The following CFAP52 variants were observed in gnomAD, a reference collection of about 807,000 sequenced individuals.
CFAP52 encodes cilia- and flagella-associated protein 52.
In CFAP52, 57 loss-of-function variants were observed where a neutral mutation model predicts 70.5. The ratio of observed to expected loss-of-function variants is 0.81; its 90% CI spans 0.65 to 1.01. CFAP52 has a LOEUF of 1.01. CFAP52 is among the 50% of genes least tolerant of loss of function. The probability of loss-of-function intolerance (pLI) is 0.00; values close to 1 mark genes in which losing one functional copy is unlikely to be tolerated. For missense variants in CFAP52, 785 were observed against 788.5 expected, an observed-to-expected ratio of 1.00 and a Z score of 0.05; for synonymous variants, 267 against 292.5, an observed-to-expected ratio of 0.91 and a Z score of 0.89.
chr17:9,641,424 T>C (rs1911052189), intron 12 of CFAP52, among the ~76,000 whole-genome samples: 1 of 152,198 alleles, frequency 6.6e-6, no homozygotes, highest in South Asian at 2.1e-4. Context: ...GGCTGTTCTT[T>C]CTTTTACAGC....
chr17:9,580,509 G>A (rs1017227673), intron 1 of CFAP52, among the ~76,000 whole-genome samples: 21 of 152,050 alleles, frequency 1.4e-4, no homozygotes, highest in African/African-American at 4.6e-4. Flanking sequence ...GCAACATGGT[G>A]AAACCCTATC....
At chr17:9,631,413 A>C (rs1358220300) in intron 9 of CFAP52, among the ~76,000 whole-genome samples, 2 of 152,162 alleles carry the variant, frequency 1.3e-5, no homozygotes, top group Non-Finnish European at 2.9e-5. Flanking sequence ...CTTTGCTGAA[A>C]TGGGATCTAC....
At chr17:9,598,415 C>A in intron 5 of CFAP52, 82 bp downstream of exon 5, 2 of 1,180,242 alleles carry the variant, frequency 1.7e-6, no homozygotes, top group South Asian at 2.6e-5. Context: ...TGTGTGTGTA[C>A]ATGGGGCTGG....
At chr17:9,627,930 T>C (rs1289706590) in intron 8 of CFAP52, among the ~76,000 whole-genome samples, 4 of 152,182 alleles carry the variant, frequency 2.6e-5, no homozygotes. Context: ...GGTCTCACTA[T>C]GTTGCCCAGG....
chr17:9,586,343 C>A (rs1391624473), intron 2 of CFAP52, among the ~76,000 whole-genome samples: 1 of 151,926 alleles, frequency 6.6e-6, no homozygotes, highest in Non-Finnish European at 1.5e-5. Flanking sequence ...ACGGTCGGAT[C>A]CCCTGAGGTC....
At position 9,632,967 on chromosome 17, in the gene CFAP52, C is replaced by T. The variant is rs780321614; in HGVS notation, c.1254C>T (p.Ile418=). 1.9e-5 allele frequency: 31 copies of T among 1,614,084 alleles called. No homozygotes were observed. Among genetic ancestry groups the T allele is most frequent in the Middle Eastern group, 1.6e-4 (1 of 6,084 alleles). ...LMYVINNAHR[I]GVTAIATTSD... ...ATGTCATTAACAATGCTCACAGGAT[C>T]GGCGTCACCGCCATCGCCACCACCA... The change falls in exon 10 of 14, where the codon ATC becomes ATT. Residue 418 remains isoleucine (I), a synonymous_variant. Transcript: ENST00000352665.
chr17:9,628,981 C>CAGCT (rs1425493562), intron 9 of CFAP52, among the ~76,000 whole-genome samples, 161 bp downstream of exon 9: 1 of 152,282 alleles, frequency 6.6e-6, no homozygotes, highest in East Asian at 1.9e-4. Flanking sequence ...GAGTTTCCTT[C>CAGCT]CAGCTGGGAG....
chr17:9,608,965 G>A (rs1370102196), intron 7 of CFAP52, among the ~76,000 whole-genome samples: 1 of 152,192 alleles, frequency 6.6e-6, no homozygotes, highest in African/African-American at 2.4e-5. Flanking sequence ...AATATATTAT[G>A]AATGTTGTAG....
chr17:9,581,099 G>A (rs1280505669), intron 1 of CFAP52, among the ~76,000 whole-genome samples: 1 of 152,174 alleles, frequency 6.6e-6, no homozygotes. Context: ...GGTGGATCAC[G>A]AGGTCAGGAG....
At chr17:9,606,620 G>A (rs916022596) in intron 6 of CFAP52, among the ~76,000 whole-genome samples, 2 of 152,322 alleles carry the variant, frequency 1.3e-5, no homozygotes, top group African/African-American at 2.4e-5. Context: ...AACCCAGGCC[G>A]ACTGGCTGCA....
chr17:9,589,709 G>A (rs1327580513), intron 3 of CFAP52, among the ~76,000 whole-genome samples: 2 of 146,204 alleles, frequency 1.4e-5, no homozygotes, highest in Admixed American at 1.4e-4. Context: ...CTCCAGCCTG[G>A]GGACAAGAGC....
Position 9,602,234 on chromosome 17 carries a change from G to A in CFAP52, c.753+2051G>A, listed in dbSNP as rs542597023. Among the ~76,000 whole-genome samples the A allele has an allele frequency of 2.0e-3, 299 of 152,128 alleles. 2 individuals carry two copies. Among genetic ancestry groups the A allele is most frequent in the African/African-American group, 6.6e-3 (274 of 41,476 alleles). ...GGTGGTTTGCTGCACCCATTAACCC[G>A]TCGTCTACATTAAGTATTTCTCTTA... On this transcript the variant is annotated intron_variant, in intron 6 of 13. Coordinates refer to ENST00000352665, the MANE Select transcript of CFAP52 (RefSeq NM_145054.5).
intron 9 of CFAP52, among the ~76,000 whole-genome samples, chr17:9,630,866 G>A (rs1336501185): frequency 6.7e-6 from 1 of 149,738 alleles, no homozygotes; most frequent in Non-Finnish European, 1.5e-5. Flanking sequence ...GGAGCCTGTA[G>A]TCCCAGCTAC....
chr17:9,576,851 A>G (rs1223253418), intron 1 of CFAP52, 86 bp downstream of exon 1: 2 of 1,407,100 alleles, frequency 1.4e-6, no homozygotes, highest in Non-Finnish European at 1.9e-6. Context: ...CACCGGGGAC[A>G]CCTGAAAGGC....
intron 10 of CFAP52, among the ~76,000 whole-genome samples, chr17:9,633,665 G>A (rs796762666): frequency 6.0e-4 from 90 of 149,240 alleles, no homozygotes; most frequent in African/African-American, 2.1e-3. Flanking sequence ...TGTACGAATT[G>A]TCATCTTATC....
In CFAP52 at chr17:9,628,569, G is replaced by A. The variant is rs565658366; in HGVS notation, c.1026-103G>A. 58 of 1,469,346 alleles carry A rather than the reference G, an allele frequency of 3.9e-5. No individual in the cohort carries two copies. In the East Asian group the frequency reaches 4.2e-4, roughly 11 times the overall value. The allele number at this position is 1,469,346 out of a possible 1,614,324, so 91.0% of individuals were successfully genotyped here. A position where few individuals can be genotyped will look rare whatever the true frequency, so the allele number is the denominator to read the frequency against. On this transcript the variant is annotated intron_variant, in intron 8 of 13. Coordinates refer to ENST00000352665, the MANE Select transcript of CFAP52 (RefSeq NM_145054.5). ...TGGGATTACAGGTTTGAGCCACCGCGCCCAGCCTTTTCCTATATTTTTGTG... is the reference window on the plus strand; with the variant it reads ...TGGGATTACAGGTTTGAGCCACCGCACCCAGCCTTTTCCTATATTTTTGTG...
In CFAP52 at chr17:9,598,197, A is replaced by G. The variant is rs945408599; in HGVS notation, c.537-37A>G. Reference sequence around the variant, plus strand: ...TGAAGTGATTATTAAATGGGTGTCCATTTGATTGTGGTTTTTTGTTTTTTT... The same window carrying G: ...TGAAGTGATTATTAAATGGGTGTCCGTTTGATTGTGGTTTTTTGTTTTTTT... On this transcript the variant is annotated intron_variant, in intron 4 of 13. Transcript: ENST00000352665. The G allele has an allele frequency of 3.3e-6, 5 of 1,519,618 alleles. No homozygotes were observed. The African/African-American group carries it at 5.6e-5, about 17-fold the overall frequency. The allele number at this position is 1,519,618 out of a possible 1,614,324, so 94.1% of individuals were successfully genotyped here.
chr17:9,631,791 G>A (rs1424013212), intron 9 of CFAP52, among the ~76,000 whole-genome samples: 1 of 146,822 alleles, frequency 6.8e-6, no homozygotes, highest in Admixed American at 6.7e-5. Context: ...TTTTGAGATG[G>A]AGTCGTGCTC....
chr17:9,584,659 T>TTG (rs1908373243), intron 1 of CFAP52, among the ~76,000 whole-genome samples: 3 of 152,198 alleles, frequency 2.0e-5, no homozygotes, highest in Admixed American at 6.5e-5. Context: ...TTTGCTCTTG[T>TTG]CAACCAGGCT....
Sources: gnomAD v4.1 joint callset for allele counts (sites outside exome capture counted in the v4.1 genomes callset) on GRCh38, gnomAD v4.1.1 for gene constraint, MANE v1.5 for transcripts, NCBI Gene and HGNC (gene_info 2026-07-23, HGNC 2026-07-21) for gene names.